ADAMTS12: variants seen among roughly 807,000 people sequenced by gnomAD.
The protein encoded by ADAMTS12 is A disintegrin and metalloproteinase with thrombospondin motifs 12.
Under a neutral mutation model 167.8 loss-of-function variants are expected in ADAMTS12, and 118 were observed. The observed-to-expected ratio is 0.70, with a 90% confidence interval of 0.61 to 0.82. The LOEUF (loss-of-function observed/expected upper bound fraction) is 0.82, where lower values mean the gene tolerates loss of function less well. Ranked by LOEUF, ADAMTS12 falls within the 40% of genes least tolerant of loss-of-function variation. ADAMTS12 has a pLI of 0.00. For synonymous variants in ADAMTS12, 704 were observed against 716.9 expected, an observed-to-expected ratio of 0.98 and a Z score of 0.29; for missense variants, 1,916 against 1,998.8, an observed-to-expected ratio of 0.96 and a Z score of 0.79.
intron 22 of ADAMTS12, among the ~76,000 whole-genome samples, chr5:33,539,836 G>A (rs945600811): frequency 1.3e-5 from 2 of 152,178 alleles, no homozygotes; most frequent in Admixed American, 6.5e-5. Context: ...GAGGTTCCAA[G>A]ATGGCTGAAT....
intron 2 of ADAMTS12, among the ~76,000 whole-genome samples, chr5:33,787,815 T>G (rs1223866099): frequency 6.6e-6 from 1 of 152,216 alleles, no homozygotes; most frequent in African/African-American, 2.4e-5. Context: ...TGATATTTCT[T>G]CAACACTTTA....
intron 3 of ADAMTS12, among the ~76,000 whole-genome samples, chr5:33,743,543 C>T (rs971372023): frequency 3.3e-5 from 5 of 152,244 alleles, no homozygotes; most frequent in African/African-American, 1.2e-4. Context: ...TACCCAAGAG[C>T]TCTCTCAGGC....
At position 33,561,143 on chromosome 5, in the gene ADAMTS12, T is replaced by C. The variant is rs1434307918; in HGVS notation, c.4009A>G (p.Arg1337Gly). Residue 1337 changes from arginine (R) to glycine (G), a missense_variant, in exon 20 of 24, where the codon AGG becomes GGG. Arg to Gly is a moderately radical substitution (Grantham distance 125). Transcript: ENST00000504830. ...TTCGLGAYWR[R>G]VECSTQMDSD... ...TCCATCTGGGTGCTGCACTCCACCC[T>C]TCTCCAGTAGGCCCCCAGGCCACAT... The C allele has an allele frequency of 6.2e-7, 1 of 1,614,114 alleles. No homozygotes were observed. Among genetic ancestry groups the C allele is most frequent in the East Asian group, 2.2e-5 (1 of 44,868 alleles).
intron 5 of ADAMTS12, among the ~76,000 whole-genome samples, chr5:33,676,139 T>C (rs1317410975): frequency 3.3e-5 from 5 of 152,188 alleles, no homozygotes; most frequent in African/African-American, 7.2e-5. Context: ...GTATGTGAAT[T>C]AACAGGACAG....
chr5:33,552,760 T>C (rs2111847096), intron 20 of ADAMTS12, among the ~76,000 whole-genome samples: 1 of 152,338 alleles, frequency 6.6e-6, no homozygotes, highest in Admixed American at 6.5e-5. Flanking sequence ...CATGCTGTTT[T>C]GGTTACTGTA....
intron 3 of ADAMTS12, among the ~76,000 whole-genome samples, chr5:33,732,432 C>T (rs987941979): frequency 4.6e-5 from 7 of 152,078 alleles, no homozygotes; most frequent in Admixed American, 3.9e-4. Flanking sequence ...TACTTAATCT[C>T]TTAAGTGCCT....
At chr5:33,791,437 A>C (rs1174893916) in intron 2 of ADAMTS12, among the ~76,000 whole-genome samples, 1 of 152,228 alleles carries the variant, frequency 6.6e-6, no homozygotes, top group Non-Finnish European at 1.5e-5. Context: ...TCCCTTATAC[A>C]TATATCCTTG....
chr5:33,732,035 C>T (rs1210398758), intron 3 of ADAMTS12, among the ~76,000 whole-genome samples: 1 of 152,034 alleles, frequency 6.6e-6, no homozygotes, highest in Non-Finnish European at 1.5e-5. Context: ...AGGGCTGCAT[C>T]CAGGCCAAGC....
At chr5:33,573,925 A>C (rs1746525739) in intron 19 of ADAMTS12, among the ~76,000 whole-genome samples, 1 of 152,242 alleles carries the variant, frequency 6.6e-6, no homozygotes, top group Admixed American at 6.5e-5. Context: ...CCCCATCGAA[A>C]AGTGGGCAAA....
intron 3 of ADAMTS12, among the ~76,000 whole-genome samples, chr5:33,729,709 G>A (rs989985638): frequency 1.3e-5 from 2 of 152,210 alleles, no homozygotes; most frequent in African/African-American, 2.4e-5. Flanking sequence ...GGCATCACCC[G>A]ATGCCTCTGG....
At chr5:33,557,523 T>C (rs1472547341) in intron 20 of ADAMTS12, among the ~76,000 whole-genome samples, 2 of 152,148 alleles carry the variant, frequency 1.3e-5, no homozygotes, top group African/African-American at 4.8e-5. Context: ...CTCCAACTAC[T>C]TGAAGCTAAG....
intron 13 of ADAMTS12, among the ~76,000 whole-genome samples, chr5:33,626,754 T>C (rs1437526637): frequency 6.9e-6 from 1 of 145,934 alleles, no homozygotes; most frequent in Non-Finnish European, 1.5e-5. Context: ...GTGGTGGTGA[T>C]GTGGTAGTGA....
At chr5:33,575,724 G>A (rs2111959838) in intron 19 of ADAMTS12, among the ~76,000 whole-genome samples, 1 of 152,252 alleles carries the variant, frequency 6.6e-6, no homozygotes, top group East Asian at 1.9e-4. Context: ...ATTTCAAAGG[G>A]CTGCACAGAC....
At chr5:33,820,120 C>G (rs1747816105) in intron 2 of ADAMTS12, among the ~76,000 whole-genome samples, 1 of 152,146 alleles carries the variant, frequency 6.6e-6, no homozygotes, top group South Asian at 2.1e-4. Flanking sequence ...GCTGTGCCAC[C>G]TGTAAATAGG....
chr5:33,624,093 G>A, intron 14 of ADAMTS12, 138 bp downstream of exon 14: 3 of 1,331,748 alleles, frequency 2.3e-6, no homozygotes, highest in Non-Finnish European at 3.1e-6. Flanking sequence ...TTGTGGTAAA[G>A]GCTATATTCC....
intron 21 of ADAMTS12, among the ~76,000 whole-genome samples, chr5:33,548,650 A>C (rs1289164938): frequency 1.3e-5 from 2 of 152,012 alleles, no homozygotes; most frequent in African/African-American, 4.8e-5. Context: ...CCTTGTTTTC[A>C]TGTGCCAAAG....
chr5:33,773,765 G>C (rs1237226049), intron 2 of ADAMTS12, among the ~76,000 whole-genome samples: 1 of 152,188 alleles, frequency 6.6e-6, no homozygotes, highest in Non-Finnish European at 1.5e-5. Context: ...GTTGCTTTTT[G>C]AGGGTGATTA....
chr5:33,552,714 G>A (rs916548636), intron 20 of ADAMTS12, among the ~76,000 whole-genome samples: 1 of 152,222 alleles, frequency 6.6e-6, no homozygotes, highest in Admixed American at 6.5e-5. Flanking sequence ...TCTCTATTCT[G>A]ATCTGTTGGC....
At chr5:33,560,972 C>T in intron 20 of ADAMTS12, 55 bp downstream of exon 20, 1 of 1,591,802 alleles carries the variant, frequency 6.3e-7, no homozygotes, top group Non-Finnish European at 8.6e-7. Flanking sequence ...GATTCCCTTT[C>T]CAACCCATCC....
Sources: allele counts gnomAD v4.1 joint callset (sites outside exome capture counted in the v4.1 genomes callset), GRCh38; gene constraint gnomAD v4.1.1; transcripts MANE v1.5; gene names NCBI Gene and HGNC (gene_info 2026-07-23, HGNC 2026-07-21).